The following SLC8A3 variants were observed in gnomAD, a reference collection of about 807,000 sequenced individuals.
SLC8A3 encodes solute carrier family 8 member A3.
SLC8A3 carries 37 observed loss-of-function variants against 65.4 expected under a neutral mutation model. That is an observed-to-expected ratio of 0.57 (90% CI 0.44 to 0.74). The LOEUF is 0.74. Among genes scored for constraint, SLC8A3 ranks in the 30% least tolerant of loss-of-function variants. SLC8A3 has a pLI of 0.00. For missense variants in SLC8A3, 1,112 were observed against 1,172.1 expected (o/e 0.95, Z 0.75); for synonymous variants, 461 against 444.5 (o/e 1.04, Z -0.47).
At chr14:70,093,376 T>C (rs897356911) in intron 2 of SLC8A3, among the ~76,000 whole-genome samples, 1 of 152,210 alleles carries the variant, frequency 6.6e-6, no homozygotes, top group African/African-American at 2.4e-5. Flanking sequence ...ACAGCTGAGA[T>C]GGACACTGTT....
rs548652161 is a variant in SLC8A3 at position 70,066,487 on chromosome 14, C to G, written c.1785-5548G>C. ...CCCAGCACAGTTAATTTACTACCCCCCTTCCTTCTGCCTTTAAGACCCAGA... is the reference window on the plus strand; with the variant it reads ...CCCAGCACAGTTAATTTACTACCCCGCTTCCTTCTGCCTTTAAGACCCAGA... On this transcript the variant is annotated intron_variant, in intron 2 of 6. Transcript: ENST00000356921. 7.2e-5 allele frequency among the ~76,000 whole-genome samples: 11 copies of G among 152,248 alleles called. No individual in the cohort carries two copies. In the East Asian group the frequency reaches 1.4e-3, roughly 19 times the overall value.
At chr14:70,072,640 A>C (rs1392200014) in intron 2 of SLC8A3, among the ~76,000 whole-genome samples, 1 of 151,354 alleles carries the variant, frequency 6.6e-6, no homozygotes, top group Non-Finnish European at 1.5e-5. Context: ...CATCTCTGCA[A>C]CCTGAACTTT....
chr14:70,143,625 C>T (rs988239898), intron 2 of SLC8A3, among the ~76,000 whole-genome samples: 1 of 152,128 alleles, frequency 6.6e-6, no homozygotes, highest in Non-Finnish European at 1.5e-5. Flanking sequence ...ACTTTTCAAG[C>T]TTCCCGGGTA....
At chr14:70,151,241 G>A (rs866280252) in intron 2 of SLC8A3, among the ~76,000 whole-genome samples, 42 of 147,288 alleles carry the variant, frequency 2.9e-4, no homozygotes, top group East Asian at 2.4e-3. Flanking sequence ...GCGACAGTGC[G>A]AGACTCCGCC....
intron 2 of SLC8A3, among the ~76,000 whole-genome samples, chr14:70,113,345 G>T (rs1225852099): frequency 6.6e-6 from 1 of 152,126 alleles, no homozygotes; most frequent in African/African-American, 2.4e-5. Context: ...AAGTATGTGT[G>T]TATCTAAACA....
chr14:70,127,975 C>T (rs1391150047), intron 2 of SLC8A3, among the ~76,000 whole-genome samples: 4 of 152,080 alleles, frequency 2.6e-5, no homozygotes, highest in Admixed American at 6.5e-5. Context: ...ATAGGATTGC[C>T]GAGATCATTT....
In SLC8A3 at chr14:70,124,198, C is replaced by T. The variant is rs965649255; in HGVS notation, c.1784+42441G>A. ...AAAATAGTAGAACTAGGAATCTGAC[C>T]TCAGAGATGCTGAAGCCACTTCAGA... On this transcript the variant is annotated intron_variant, in intron 2 of 6. Transcript: ENST00000356921. Among the ~76,000 whole-genome samples, 3 of 152,230 alleles carry T rather than the reference C, an allele frequency of 2.0e-5. No individual in the cohort carries two copies. The South Asian group carries it at 6.2e-4, about 32-fold the overall frequency.
intron 2 of SLC8A3, among the ~76,000 whole-genome samples, chr14:70,104,162 T>G (rs1323485951): frequency 6.6e-6 from 1 of 151,998 alleles, no homozygotes; most frequent in East Asian, 1.9e-4. Context: ...AAGAGAGAAA[T>G]AGCCAATTCC....
chr14:70,166,202 T>A (rs1290185211), intron 2 of SLC8A3, among the ~76,000 whole-genome samples: 1 of 152,222 alleles, frequency 6.6e-6, no homozygotes, highest in Admixed American at 6.5e-5. Flanking sequence ...TGATGGGCTA[T>A]TGCTGCCCAG....
intron 2 of SLC8A3, among the ~76,000 whole-genome samples, chr14:70,143,491 C>G (rs1373156995): frequency 6.6e-6 from 1 of 152,122 alleles, no homozygotes; most frequent in Non-Finnish European, 1.5e-5. Flanking sequence ...TAGCTTAGGG[C>G]AAGGGTTCTC....
chr14:70,150,664 A>G (rs1426918453), intron 2 of SLC8A3, among the ~76,000 whole-genome samples: 1 of 152,154 alleles, frequency 6.6e-6, no homozygotes, highest in Non-Finnish European at 1.5e-5. Flanking sequence ...GCTGTGCCCC[A>G]GCCAGGCCTG....
At chr14:70,152,528 CTTT>C (rs5809470) in intron 2 of SLC8A3, among the ~76,000 whole-genome samples, 2 of 148,226 alleles carry the variant, frequency 1.3e-5, no homozygotes, top group Admixed American at 1.3e-4. Flanking sequence ...CAAGTTCAGT[CTTT>C]TTTTTTTTCC....
chr14:70,177,459 A>C (rs1056806092), intron 1 of SLC8A3, among the ~76,000 whole-genome samples: 7 of 152,268 alleles, frequency 4.6e-5, no homozygotes, highest in African/African-American at 1.7e-4. Context: ...CAAAGTGCCA[A>C]GAGATCACAA....
intron 2 of SLC8A3, among the ~76,000 whole-genome samples, chr14:70,124,921 A>C (rs188725585): frequency 8.5e-5 from 13 of 152,360 alleles, no homozygotes; most frequent in African/African-American, 2.6e-4. Flanking sequence ...GAGGGTTGGA[A>C]GAAGGTGGCA....
At chr14:70,092,085 A>C (rs969801870) in intron 2 of SLC8A3, among the ~76,000 whole-genome samples, 3 of 152,204 alleles carry the variant, frequency 2.0e-5, no homozygotes, top group African/African-American at 7.2e-5. Context: ...TCCTAACTCC[A>C]CATGATTTTC....
chr14:70,069,524 CT>C (rs1195235067), intron 2 of SLC8A3, among the ~76,000 whole-genome samples: 3 of 151,922 alleles, frequency 2.0e-5, no homozygotes, highest in Non-Finnish European at 4.4e-5. Flanking sequence ...AGCTGCGAAC[CT>C]TTCCATGGGA....
At chr14:70,126,095 C>T (rs538616554) in intron 2 of SLC8A3, among the ~76,000 whole-genome samples, 41 of 152,292 alleles carry the variant, frequency 2.7e-4, no homozygotes, top group Admixed American at 1.6e-3. Context: ...CAGCTCTTAC[C>T]TTGGGGGATC....
At chr14:70,101,326 A>G (rs1453773916) in intron 2 of SLC8A3, among the ~76,000 whole-genome samples, 1 of 152,246 alleles carries the variant, frequency 6.6e-6, no homozygotes, top group Non-Finnish European at 1.5e-5. Context: ...ATGATGTTTC[A>G]GTTATGAGGA....
intron 2 of SLC8A3, among the ~76,000 whole-genome samples, chr14:70,118,887 G>A (rs553026467): frequency 3.3e-5 from 5 of 152,272 alleles, no homozygotes; most frequent in Non-Finnish European, 5.9e-5. Flanking sequence ...ATATAGCTTT[G>A]CTGTATAAAG....
Sources: gnomAD v4.1 joint callset for allele counts (sites outside exome capture counted in the v4.1 genomes callset) on GRCh38, gnomAD v4.1.1 for gene constraint, MANE v1.5 for transcripts, NCBI Gene and HGNC (gene_info 2026-07-23, HGNC 2026-07-21) for gene names.